Variants in MAGI1 observed in about 807,000 individuals in gnomAD.
MAGI1 encodes membrane associated guanylate kinase, WW and PDZ domain containing 1.
In MAGI1, 58 loss-of-function variants were observed where a neutral mutation model predicts 139.9. The observed-to-expected ratio is 0.41, with a 90% CI of 0.34 to 0.52. MAGI1 has a LOEUF of 0.52. Ranked by LOEUF, MAGI1 falls within the 20% of genes least tolerant of loss-of-function variation. MAGI1 has a pLI of 0.12. For synonymous variants in MAGI1, 812 were observed against 737.9 expected, an observed-to-expected ratio of 1.10 and a Z score of -1.63; for missense variants, 1,874 against 1,901.6, an observed-to-expected ratio of 0.99 and a Z score of 0.27.
intron 5 of MAGI1, among the ~76,000 whole-genome samples, chr3:65,458,692 T>C (rs575102115): frequency 1.3e-5 from 2 of 152,250 alleles, no homozygotes; most frequent in South Asian, 2.1e-4. Flanking sequence ...GAGCTCCCTA[T>C]ATATATTCTC....
intron 2 of MAGI1, among the ~76,000 whole-genome samples, chr3:65,590,130 T>C (rs1163679182): frequency 3.3e-5 from 5 of 152,138 alleles, no homozygotes; most frequent in African/African-American, 9.7e-5. Flanking sequence ...TCCTCTACTA[T>C]GAAATCTTCC....
chr3:65,848,923 A>G (rs189042193), intron 1 of MAGI1, among the ~76,000 whole-genome samples: 15 of 146,400 alleles, frequency 1.0e-4, no homozygotes, highest in African/African-American at 3.7e-4. Context: ...GGTTCTAGCC[A>G]GTGAGTTGTA....
intron 2 of MAGI1, among the ~76,000 whole-genome samples, chr3:65,621,156 A>T (rs995700088): frequency 1.3e-5 from 2 of 152,198 alleles, no homozygotes; most frequent in Non-Finnish European, 2.9e-5. Flanking sequence ...GGTGATAGAG[A>T]GGAGAAAGGA....
intron 1 of MAGI1, among the ~76,000 whole-genome samples, chr3:66,013,905 A>T (rs557730504): frequency 1.3e-5 from 2 of 152,342 alleles, no homozygotes; most frequent in East Asian, 3.9e-4. Flanking sequence ...AGTAAAACGG[A>T]GATACTCATA....
chr3:65,679,735 T>A (rs776852397), intron 1 of MAGI1, among the ~76,000 whole-genome samples: 3 of 152,220 alleles, frequency 2.0e-5, no homozygotes, highest in Non-Finnish European at 4.4e-5. Context: ...TCAAACCCAC[T>A]GTTTTCCAAC....
chr3:65,548,076 G>C (rs1255872347), intron 2 of MAGI1, among the ~76,000 whole-genome samples: 1 of 152,172 alleles, frequency 6.6e-6, no homozygotes, highest in African/African-American at 2.4e-5. Flanking sequence ...GCAATAACCA[G>C]CAATAACCAG....
chr3:65,793,652 C>T (rs937878256), intron 1 of MAGI1, among the ~76,000 whole-genome samples: 2 of 151,984 alleles, frequency 1.3e-5, no homozygotes, highest in African/African-American at 2.4e-5. Flanking sequence ...AAAGCAGCTG[C>T]GAAAATGCCT....
chr3:65,725,550 A>C (rs1026618676), intron 1 of MAGI1, among the ~76,000 whole-genome samples: 2 of 152,158 alleles, frequency 1.3e-5, no homozygotes, highest in African/African-American at 4.8e-5. Flanking sequence ...GGGGCTCGAC[A>C]ACTTGGTCAC....
intron 2 of MAGI1, among the ~76,000 whole-genome samples, chr3:65,522,032 G>A (rs982960852): frequency 6.6e-6 from 1 of 152,038 alleles, no homozygotes; most frequent in Non-Finnish European, 1.5e-5. Context: ...TACTATCACA[G>A]AGGAAAAAAA....
intron 1 of MAGI1, among the ~76,000 whole-genome samples, chr3:66,026,027 C>A (rs1462388130): frequency 2.0e-5 from 3 of 151,518 alleles, no homozygotes; most frequent in African/African-American, 7.3e-5. Context: ...TGCTGCAACA[C>A]CGGAGAAAGC....
chr3:65,510,981 G>A (rs2077557806), intron 2 of MAGI1, among the ~76,000 whole-genome samples: 1 of 146,820 alleles, frequency 6.8e-6, no homozygotes, highest in African/African-American at 2.5e-5. Context: ...CAAGCCAGAA[G>A]AGAGTGGGGG....
At chr3:65,448,521 T>C (rs886332494) in intron 6 of MAGI1, among the ~76,000 whole-genome samples, 1 of 152,020 alleles carries the variant, frequency 6.6e-6, no homozygotes, top group Non-Finnish European at 1.5e-5. Flanking sequence ...GCTTGAAAAA[T>C]GGAAGGTGAG....
chr3:65,414,578 T>C (rs1435535876), intron 12 of MAGI1, among the ~76,000 whole-genome samples: 2 of 152,192 alleles, frequency 1.3e-5, no homozygotes, highest in Admixed American at 6.5e-5. Flanking sequence ...CAACCTCCTG[T>C]GGGCCTTTCC....
intron 1 of MAGI1, among the ~76,000 whole-genome samples, chr3:66,023,518 G>T (rs751529508): frequency 9.9e-5 from 15 of 152,144 alleles, no homozygotes; most frequent in Non-Finnish European, 2.2e-4. Flanking sequence ...AAAGCAAGAA[G>T]GGCTACACTG....
intron 1 of MAGI1, among the ~76,000 whole-genome samples, chr3:65,625,489 GGCTTAATCTCTGAACCTT>G (rs1210767559): frequency 6.6e-6 from 1 of 151,994 alleles, no homozygotes; most frequent in Non-Finnish European, 1.5e-5. Flanking sequence ...CTGAGAACAG[GGCTTAATCTCTGAACCTT>G]GCTTTCCTCA....
intron 1 of MAGI1, among the ~76,000 whole-genome samples, chr3:65,918,718 G>T (rs1291424593): frequency 6.6e-6 from 1 of 152,026 alleles, no homozygotes; most frequent in African/African-American, 2.4e-5. Flanking sequence ...GCCAACAAAT[G>T]AGTTGTTTTC....
At chr3:65,571,422 G>A (rs1344332790) in intron 2 of MAGI1, among the ~76,000 whole-genome samples, 1 of 151,994 alleles carries the variant, frequency 6.6e-6, no homozygotes, top group African/African-American at 2.4e-5. Context: ...ATGGTATAGT[G>A]TTATTTATAA....
intron 1 of MAGI1, among the ~76,000 whole-genome samples, chr3:65,918,429 G>A (rs1023641877): frequency 6.8e-6 from 1 of 147,550 alleles, no homozygotes; most frequent in Non-Finnish European, 1.5e-5. Flanking sequence ...TCACCAGGCT[G>A]GAGTGCAATG....
intron 1 of MAGI1, among the ~76,000 whole-genome samples, chr3:65,917,088 C>CCTTCTTACACATAAAGAGAGAAACA (rs1226227920): frequency 9.9e-5 from 15 of 152,176 alleles, no homozygotes; most frequent in African/African-American, 3.6e-4. Context: ...GACATTTCCA[C>CCTTCTTACACATAAAGAGAGAAACA]CTTCTTACAC....
Sources: gnomAD v4.1 joint callset for allele counts (sites outside exome capture counted in the v4.1 genomes callset) on GRCh38, gnomAD v4.1.1 for gene constraint, MANE v1.5 for transcripts, NCBI Gene and HGNC (gene_info 2026-07-23, HGNC 2026-07-21) for gene names.